The following HYAL4 variants were observed in gnomAD, a reference collection of about 807,000 sequenced individuals.
HYAL4 encodes the protein hyaluronidase 4, also known as hyaluronidase-4.
A neutral mutation model predicts 35.2 loss-of-function variants in HYAL4; 37 were observed. The ratio of observed to expected loss-of-function variants is 1.05; its 90% CI spans 0.81 to 1.38. The LOEUF is 1.38. Ranked by LOEUF, HYAL4 falls within the 40% of genes most tolerant of loss-of-function variation. The pLI, the probability that HYAL4 is intolerant of heterozygous loss-of-function variation, is 0.00. For missense variants in HYAL4, 572 were observed against 572.4 expected, an observed-to-expected ratio of 1.00 and a Z score of 0.01; for synonymous variants, 198 against 203.2, an observed-to-expected ratio of 0.97 and a Z score of 0.22.
the HYAL4 span, among the ~76,000 whole-genome samples, chr7:123,810,588 A>G: frequency 3.1e-4 from 47 of 152,296 alleles, no homozygotes; most frequent in African/African-American, 1.1e-3. Flanking sequence ...CTTCTCCCTG[A>G]CATCACAACC....
At chr7:123,794,643 TG>T in the HYAL4 span, among the ~76,000 whole-genome samples, 6 of 152,228 alleles carry the variant, frequency 3.9e-5, no homozygotes, top group African/African-American at 1.4e-4. Flanking sequence ...CATGTGGTTT[TG>T]AGCCTGTGGG....
At chr7:123,840,614 C>T (rs1806042060), upstream of HYAL4, among the ~76,000 whole-genome samples, 1 of 152,018 alleles carries the variant, frequency 6.6e-6, no homozygotes, top group East Asian at 1.9e-4. Context: ...TCTTCCTATG[C>T]ATGAGCATGG....
At chr7:123,819,790 A>G in the HYAL4 span, among the ~76,000 whole-genome samples, 1 of 152,182 alleles carries the variant, frequency 6.6e-6, no homozygotes, top group Non-Finnish European at 1.5e-5. Context: ...TAAATGGCAT[A>G]ATATATATGT....
At chr7:123,852,131 G>A (rs537588351) in intron 2 of HYAL4, among the ~76,000 whole-genome samples, 2 of 152,232 alleles carry the variant, frequency 1.3e-5, no homozygotes, top group Non-Finnish European at 2.9e-5. Context: ...GTAGATTCTG[G>A]ATATTAACCT....
chr7:123,827,859 TAAA>T (rs1466765137), upstream of HYAL4, among the ~76,000 whole-genome samples: 3 of 152,280 alleles, frequency 2.0e-5, no homozygotes, highest in East Asian at 5.8e-4. Flanking sequence ...TTAATATTGA[TAAA>T]ATAAATAATT....
chr7:123,806,343 C>T, the HYAL4 span, among the ~76,000 whole-genome samples: 9 of 152,216 alleles, frequency 5.9e-5, no homozygotes, highest in South Asian at 4.1e-4. Context: ...GTTTTCCTTT[C>T]GTGTGGAGGC....
the HYAL4 span, among the ~76,000 whole-genome samples, chr7:123,777,085 G>A: frequency 6.6e-6 from 1 of 151,942 alleles, no homozygotes; most frequent in African/African-American, 2.4e-5. Context: ...AAACTCCTTG[G>A]CACTCCCAGA....
At chr7:123,772,837 T>C in the HYAL4 span, among the ~76,000 whole-genome samples, 1 of 152,120 alleles carries the variant, frequency 6.6e-6, no homozygotes, top group Non-Finnish European at 1.5e-5. Context: ...GGCTGAAAGA[T>C]CAAAAGCTGC....
chr7:123,776,085 G>A, the HYAL4 span, among the ~76,000 whole-genome samples: 4 of 152,202 alleles, frequency 2.6e-5, no homozygotes, highest in Non-Finnish European at 5.9e-5. Context: ...TCAAGAAAAT[G>A]TCTACTGCAT....
chr7:123,850,218 T>G (rs1170959616), intron 2 of HYAL4, among the ~76,000 whole-genome samples: 3 of 152,134 alleles, frequency 2.0e-5, no homozygotes, highest in African/African-American at 7.2e-5. Context: ...AAAGAAGAGC[T>G]CTTGTTGAAA....
At chr7:123,875,630 C>T (rs1806994243) in intron 4 of HYAL4, among the ~76,000 whole-genome samples, 1 of 143,472 alleles carries the variant, frequency 7.0e-6, no homozygotes, top group Non-Finnish European at 1.5e-5. Context: ...GCACTCGAGC[C>T]TGGTTCAAAG....
intron 3 of HYAL4, among the ~76,000 whole-genome samples, chr7:123,869,871 G>A (rs1271674348): frequency 1.4e-5 from 2 of 144,528 alleles, no homozygotes; most frequent in Non-Finnish European, 1.5e-5. Flanking sequence ...TGTACTTTTA[G>A]TAAAGACGGG....
chr7:123,849,454 C>T (rs1237491326), intron 2 of HYAL4, among the ~76,000 whole-genome samples: 1 of 151,930 alleles, frequency 6.6e-6, no homozygotes, highest in East Asian at 1.9e-4. Flanking sequence ...GCACCCACCA[C>T]CACGTCTGGC....
In HYAL4 at chr7:123,845,338, A is replaced by T. The variant is rs1215903650; in HGVS notation, c.-469A>T. ...ATTCTCCTGACTTAACCTCCTGAGT[A>T]GCTGGGACTACAAGAGCATGCCATC... On this transcript the variant is annotated 5_prime_UTR_variant, in exon 1 of 5. Coordinates refer to ENST00000223026, the MANE Select transcript of HYAL4 (RefSeq NM_012269.3). 6.7e-6 allele frequency: 1 copy of T among 148,920 alleles called. No individual in the cohort carries two copies. The highest frequency in any genetic ancestry group is 2.0e-4 in the East Asian group (1 of 4,964). 9.2% of individuals were successfully genotyped at this position (148,920 alleles called of 1,614,324 possible).
chr7:123,777,211 A>G, the HYAL4 span, among the ~76,000 whole-genome samples: 1 of 152,088 alleles, frequency 6.6e-6, no homozygotes, highest in Admixed American at 6.6e-5. Context: ...AGCCACATGT[A>G]TCTGTTGTCT....
chr7:123,830,346 C>A (rs1019650231), intron 1 of HYAL4, among the ~76,000 whole-genome samples: 1 of 152,142 alleles, frequency 6.6e-6, no homozygotes, highest in Non-Finnish European at 1.5e-5. Flanking sequence ...GTAACAGGTA[C>A]ACCTGTAAGC....
At chr7:123,871,382 G>T (rs1439751696) in intron 3 of HYAL4, among the ~76,000 whole-genome samples, 1 of 152,008 alleles carries the variant, frequency 6.6e-6, no homozygotes, top group Admixed American at 6.5e-5. Flanking sequence ...AGTAGAGACG[G>T]GGTTTTGCCG....
chr7:123,800,449 G>A, the HYAL4 span, among the ~76,000 whole-genome samples: 3 of 145,828 alleles, frequency 2.1e-5, no homozygotes, highest in South Asian at 2.1e-4. Context: ...GATTACAGGC[G>A]TGAGCCACCG....
intron 3 of HYAL4, among the ~76,000 whole-genome samples, chr7:123,869,837 ACCCCC>A (rs36110237): frequency 7.1e-6 from 1 of 140,058 alleles, no homozygotes; most frequent in East Asian, 2.0e-4. Flanking sequence ...ACAGGTGCTC[ACCCCC>A]CCCCACCCAG....
Sources: gnomAD v4.1 joint callset for allele counts (sites outside exome capture counted in the v4.1 genomes callset) on GRCh38, gnomAD v4.1.1 for gene constraint, MANE v1.5 for transcripts, NCBI Gene and HGNC (gene_info 2026-07-23, HGNC 2026-07-21) for gene names.